The following CRADD variants were observed in gnomAD, a reference collection of about 807,000 sequenced individuals.
CRADD encodes the protein CARD and death domain containing adaptor protein.
A neutral mutation model predicts 15.5 loss-of-function variants in CRADD; 9 were observed. The observed-to-expected ratio is 0.58, with a 90% confidence interval of 0.35 to 1.01. The LOEUF is 1.01. CRADD is among the 50% of genes least tolerant of loss of function. The pLI, the probability that CRADD is intolerant of heterozygous loss-of-function variation, is 0.02. For missense variants in CRADD, 227 were observed against 250.3 expected (o/e 0.91, Z 0.63); for synonymous variants, 118 against 107.6 (o/e 1.10, Z -0.60).
At chr12:93,756,811 T>C (rs1381098158) in intron 2 of CRADD, among the ~76,000 whole-genome samples, 1 of 152,162 alleles carries the variant, frequency 6.6e-6, no homozygotes, top group African/African-American at 2.4e-5. Context: ...TCAGGGAACT[T>C]CCAGGCAGTG....
rs1004845983 is a variant in CRADD at position 93,875,748 on chromosome 12, T to G, written c.299-18302T>G. 2.0e-5 allele frequency among the ~76,000 whole-genome samples: 3 copies of G among 152,300 alleles called. No individual in the cohort carries two copies. In the East Asian group the frequency reaches 5.8e-4, roughly 29 times the overall value. The stretch of plus-strand genomic sequence containing the variant: ...TTTTAACTTTTTGTTGTTCTATTTA[T>G]ATCTTATTGTACTGATGATGTCTTG... On this transcript the variant is annotated intron_variant, in intron 2 of 2. Transcript: ENST00000548483.
At chr12:93,775,789 A>G (rs896334738) in intron 2 of CRADD, among the ~76,000 whole-genome samples, 1 of 152,158 alleles carries the variant, frequency 6.6e-6, no homozygotes, top group Admixed American at 6.5e-5. Flanking sequence ...TTTCAGCATC[A>G]TTAGCTCCTC....
At chr12:93,695,865 G>A (rs531331478) in intron 2 of CRADD, among the ~76,000 whole-genome samples, 82 of 152,300 alleles carry the variant, frequency 5.4e-4, no homozygotes, top group African/African-American at 1.9e-3. Context: ...TTGTGCCACT[G>A]CACTCCAGCC....
At chr12:93,860,490 C>T (rs1958311617) in intron 2 of CRADD, among the ~76,000 whole-genome samples, 1 of 152,144 alleles carries the variant, frequency 6.6e-6, no homozygotes, top group African/African-American at 2.4e-5. Flanking sequence ...TCCCCTTGAG[C>T]CCCTTGCTAT....
intron 2 of CRADD, among the ~76,000 whole-genome samples, chr12:93,846,301 T>G (rs895900934): frequency 1.3e-5 from 2 of 152,158 alleles, no homozygotes; most frequent in African/African-American, 4.8e-5. Flanking sequence ...TACCCAGAAG[T>G]GGGATTGCTG....
At chr12:93,791,172 A>G (rs1957345186) in intron 2 of CRADD, among the ~76,000 whole-genome samples, 1 of 152,226 alleles carries the variant, frequency 6.6e-6, no homozygotes, top group African/African-American at 2.4e-5. Context: ...TACTGAGTAT[A>G]TATCCAAAGA....
At chr12:93,858,121 G>C (rs1958289985) in intron 2 of CRADD, among the ~76,000 whole-genome samples, 1 of 152,084 alleles carries the variant, frequency 6.6e-6, no homozygotes, top group African/African-American at 2.4e-5. Flanking sequence ...ACTCATTATT[G>C]TCAGCTGCTG....
intron 2 of CRADD, among the ~76,000 whole-genome samples, chr12:93,811,373 A>T (rs573724385): frequency 6.6e-6 from 1 of 152,294 alleles, no homozygotes; most frequent in Admixed American, 6.5e-5. Context: ...GTGATAGGAC[A>T]TTTCCCTGAT....
intron 2 of CRADD, among the ~76,000 whole-genome samples, chr12:93,760,335 G>A (rs1424286799): frequency 1.3e-5 from 2 of 152,112 alleles, no homozygotes; most frequent in Admixed American, 1.3e-4. Flanking sequence ...CCCAATTATG[G>A]AAGGTCTTAA....
At chr12:93,685,169 A>T (rs925403454) in intron 2 of CRADD, among the ~76,000 whole-genome samples, 5 of 152,142 alleles carry the variant, frequency 3.3e-5, no homozygotes, top group African/African-American at 1.2e-4. Flanking sequence ...TTTTGTGTCA[A>T]CTTAATGGGT....
intron 2 of CRADD, among the ~76,000 whole-genome samples, chr12:93,809,110 C>T (rs1957589620): frequency 6.6e-6 from 1 of 151,962 alleles, no homozygotes; most frequent in South Asian, 2.1e-4. Flanking sequence ...AACAGAGTTT[C>T]ACCTTGTTGA....
downstream of CRADD, chr12:93,850,828 G>A (rs1390786747): frequency 4.1e-6 from 3 of 738,550 alleles, no homozygotes; most frequent in Non-Finnish European, 5.0e-6. The surrounding 1 kb of genome is among the most constrained non-coding windows in gnomAD (Gnocchi z 4.0). Context: ...AATTACAATA[G>A]TCTTTTTTTT....
At chr12:93,724,032 AT>A (rs1473832838) in intron 2 of CRADD, among the ~76,000 whole-genome samples, 1 of 152,066 alleles carries the variant, frequency 6.6e-6, no homozygotes, top group African/African-American at 2.4e-5. Context: ...ATATTTCAAA[AT>A]GGTTCCTTTT....
In CRADD at chr12:93,880,083, C is replaced by A. The variant is rs1012527437; in HGVS notation, c.299-13967C>A. On this transcript the variant is annotated intron_variant, in intron 2 of 2. Transcript: ENST00000548483. ...ATTTATCCAGTAGGCCCCTCCTTCA[C>A]TGTGGTGGACTGTGTGTTTCTCAGT... 3.3e-5 allele frequency among the ~76,000 whole-genome samples: 5 copies of A among 152,164 alleles called. No individual in the cohort carries two copies. In the South Asian group the frequency reaches 6.2e-4, roughly 19 times the overall value.
intron 2 of CRADD, among the ~76,000 whole-genome samples, chr12:93,811,671 A>G (rs1185046670): frequency 6.6e-6 from 1 of 152,248 alleles, no homozygotes; most frequent in African/African-American, 2.4e-5. Flanking sequence ...AAACGCTGCT[A>G]AAAGATTAAG....
At chr12:93,825,285 T>A (rs921870442) in intron 2 of CRADD, among the ~76,000 whole-genome samples, 3 of 152,190 alleles carry the variant, frequency 2.0e-5, no homozygotes, top group Non-Finnish European at 4.4e-5. Flanking sequence ...TAGAGAATCA[T>A]CTAGAAGAGC....
intron 2 of CRADD, among the ~76,000 whole-genome samples, chr12:93,875,883 C>T (rs1958455210): frequency 6.6e-6 from 1 of 152,070 alleles, no homozygotes; most frequent in African/African-American, 2.4e-5. Context: ...CTGTGTTTTT[C>T]TGCGTACTTA....
At chr12:93,756,048 A>C (rs1034695912) in intron 2 of CRADD, among the ~76,000 whole-genome samples, 1 of 152,168 alleles carries the variant, frequency 6.6e-6, no homozygotes, top group African/African-American at 2.4e-5. Context: ...GCATGGTTTA[A>C]AATTTTAATC....
chr12:93,881,258 G>C (rs1958498070), intron 2 of CRADD, among the ~76,000 whole-genome samples: 1 of 152,116 alleles, frequency 6.6e-6, no homozygotes, highest in Admixed American at 6.6e-5. Flanking sequence ...CTCTCAGAAA[G>C]GAAGAAGTTA....
Sources: gnomAD v4.1 joint callset for allele counts (sites outside exome capture counted in the v4.1 genomes callset) on GRCh38, gnomAD v4.1.1 for gene constraint, Gnocchi (gnomAD v3.1) non-coding constraint, MANE v1.5 for transcripts, NCBI Gene and HGNC (gene_info 2026-07-23, HGNC 2026-07-21) for gene names.